USP9Y: variants seen among roughly 807,000 people sequenced by gnomAD.
USP9Y encodes ubiquitin specific peptidase 9 Y-linked, also known as ubiquitin carboxyl-terminal hydrolase 9Y.
USP9Y carries 41 observed loss-of-function variants against 53.1 expected under a neutral mutation model. The observed-to-expected ratio is 0.77, with a 90% CI of 0.60 to 1.00. USP9Y has a LOEUF of 1.00. Ranked by LOEUF, USP9Y falls within the 50% of genes least tolerant of loss-of-function variation. The pLI is 0.00. For missense variants in USP9Y, 567 were observed against 535.8 expected (o/e 1.06, Z -0.58); for synonymous variants, 220 against 173.7 (o/e 1.27, Z -2.09).
At chrY:12,709,335 G>C in intron 2 of USP9Y, 53 bp from the exon 3 acceptor site, 2 of 193,625 alleles carry the variant, frequency 1.0e-5, no homozygotes, top group Non-Finnish European at 1.9e-5. Flanking sequence ...TTTTAAGGCT[G>C]ATATATGCTG....
intron 29 of USP9Y, among the ~76,000 whole-genome samples, chrY:12,811,368 T>C: frequency 3.0e-5 from 1 of 33,440 alleles, no homozygotes; most frequent in Non-Finnish European, 7.4e-5. Context: ...CATTGTAGGA[T>C]GTTAAGCAGC....
intron 21 of USP9Y, among the ~76,000 whole-genome samples, chrY:12,779,215 G>T (rs2053496363): frequency 3.1e-5 from 1 of 32,492 alleles, no homozygotes; most frequent in Non-Finnish European, 7.6e-5. Context: ...AGGGAGTGAG[G>T]TGCCTTTTGT....
chrY:12,814,797 C>T (rs758022499), intron 31 of USP9Y, among the ~76,000 whole-genome samples: 49 of 33,250 alleles, frequency 1.5e-3, no homozygotes, highest in Middle Eastern at 0.014. Context: ...ACATGAAGGT[C>T]TGTATAATTC....
At chrY:12,793,626 C>T (rs746323157) in intron 27 of USP9Y, among the ~76,000 whole-genome samples, 352 of 32,986 alleles carry the variant, frequency 0.011, no homozygotes, top group Non-Finnish European at 7.9e-3. Flanking sequence ...TATTTTATCA[C>T]CCTCAACAAA....
chrY:12,831,645 AGGCTGGG>A (rs2053550980), intron 33 of USP9Y, among the ~76,000 whole-genome samples: 1 of 33,386 alleles, frequency 3.0e-5, no homozygotes, highest in Non-Finnish European at 7.4e-5. Flanking sequence ...GCTATTCAGG[AGGCTGGG>A]GCAGGAGAAT....
chrY:12,814,646 A>G, intron 31 of USP9Y, among the ~76,000 whole-genome samples: 1 of 32,469 alleles, frequency 3.1e-5, no homozygotes, highest in Non-Finnish European at 7.5e-5. Context: ...TTAACTTCCT[A>G]CAGGTTTTAT....
intron 12 of USP9Y, among the ~76,000 whole-genome samples, chrY:12,750,974 G>T (rs2053463770): frequency 3.1e-5 from 1 of 31,814 alleles, no homozygotes; most frequent in Admixed American, 2.9e-4. Context: ...TTTTGGTATT[G>T]ACACTATTTT....
At chrY:12,796,527 C>G in intron 27 of USP9Y, among the ~76,000 whole-genome samples, 1 of 27,185 alleles carries the variant, frequency 3.7e-5, no homozygotes, top group Non-Finnish European at 8.7e-5. Flanking sequence ...CACCACTGCA[C>G]TCCAGCCTGG....
At chrY:12,773,547 A>G (rs1351488077) in intron 16 of USP9Y, 36 bp from the exon 17 acceptor site, 3 of 376,425 alleles carry the variant, frequency 8.0e-6, no homozygotes, top group Non-Finnish European at 1.1e-5. Context: ...GGAAAAAACT[A>G]TGTTGACCCT....
chrY:12,756,298 T>C, intron 12 of USP9Y, among the ~76,000 whole-genome samples: 1 of 33,044 alleles, frequency 3.0e-5, no homozygotes, highest in African/African-American at 1.2e-4. Context: ...GTTCTTTCTA[T>C]AGTTTTTGCT....
chrY:12,738,108 A>T (rs769567955), intron 10 of USP9Y, 49 bp from the exon 11 acceptor site: 1 of 338,074 alleles, frequency 3.0e-6, no homozygotes, highest in South Asian at 3.7e-5. Context: ...TTCGCTTTTT[A>T]AAAAAATTTC....
intron 33 of USP9Y, among the ~76,000 whole-genome samples, chrY:12,819,055 T>A (rs2053538779): frequency 3.0e-5 from 1 of 33,153 alleles, no homozygotes; most frequent in African/African-American, 1.2e-4. Context: ...GGCGCATGCC[T>A]GTAATCTCAG....
chrY:12,811,839 G>A, intron 30 of USP9Y, 58 bp downstream of exon 30: 1 of 302,444 alleles, frequency 3.3e-6, no homozygotes, highest in Non-Finnish European at 4.9e-6. Flanking sequence ...GCCCAGACTG[G>A]AGTGCAGTGG....
At chrY:12,825,905 T>C in intron 33 of USP9Y, among the ~76,000 whole-genome samples, 1 of 23,526 alleles carries the variant, frequency 4.3e-5, no homozygotes, top group Non-Finnish European at 9.3e-5. Flanking sequence ...TTTCTTTTCT[T>C]TTCTTTTCTT....
At chrY:12,748,349 C>A in intron 12 of USP9Y, among the ~76,000 whole-genome samples, 1 of 33,379 alleles carries the variant, frequency 3.0e-5, no homozygotes, top group African/African-American at 1.2e-4. Flanking sequence ...CCATTCCTTT[C>A]TTTCCTGATA....
At chrY:12,707,930 GGGTTTTACCATGTTACCCAAGAT>G (rs2053420838) in intron 1 of USP9Y, among the ~76,000 whole-genome samples, 1 of 31,120 alleles carries the variant, frequency 3.2e-5, no homozygotes, top group South Asian at 7.2e-4. Flanking sequence ...AGTAGAGACA[GGGTTTTACCATGTTACCCAAGAT>G]GGCCTCGATC....
At chrY:12,711,209 G>T in intron 3 of USP9Y, among the ~76,000 whole-genome samples, 1 of 32,998 alleles carries the variant, frequency 3.0e-5, no homozygotes, top group Non-Finnish European at 7.4e-5. Flanking sequence ...GACACGGACT[G>T]GTACCGTCTG....
At chrY:12,808,850 G>GGC (rs2053527138) in intron 27 of USP9Y, among the ~76,000 whole-genome samples, 3 of 33,671 alleles carry the variant, frequency 8.9e-5, no homozygotes, top group Admixed American at 2.7e-4. Context: ...AAATGCATGA[G>GGC]GCAGGATTTG....
Position 12,736,465 on chromosome Y carries a change from T to A in USP9Y, c.1080T>A (p.Asn360Lys), listed in dbSNP as rs1449152075. ...NGKMNALNEI[N>K]KVISSVSYYT... is the part of the protein sequence containing the mutation. ...AGATGAATGCACTGAATGAAATAAA[T>A]AAGGTTATATCTAGTGTATCATATT... The change falls in exon 10 of 46, where the codon AAT (asparagine) becomes AAA (lysine). Residue 360 changes from asparagine (N) to lysine (K), a missense_variant. Coordinates refer to ENST00000338981, the MANE Select transcript of USP9Y (RefSeq NM_004654.4). The A allele has an allele frequency of 2.5e-6, 1 of 392,652 alleles. No individual in the cohort carries two copies.
Sources: gnomAD v4.1 joint callset for allele counts (sites outside exome capture counted in the v4.1 genomes callset) on GRCh38, gnomAD v4.1.1 for gene constraint, MANE v1.5 for transcripts, NCBI Gene and HGNC (gene_info 2026-07-23, HGNC 2026-07-21) for gene names.